Variants in KIRREL3 observed in about 807,000 individuals in gnomAD.
KIRREL3 encodes the protein kin of IRRE-like protein 3.
Under a neutral mutation model 89.7 loss-of-function variants are expected in KIRREL3, and 36 were observed. The ratio of observed to expected loss-of-function variants is 0.40; its 90% CI spans 0.31 to 0.53. The LOEUF (loss-of-function observed/expected upper bound fraction) is 0.53, where lower values mean the gene tolerates loss of function less well. Among genes scored for constraint, KIRREL3 ranks in the 20% least tolerant of loss-of-function variants. The pLI, the probability that KIRREL3 is intolerant of heterozygous loss-of-function variation, is 0.49. For synonymous variants in KIRREL3, 445 were observed against 441.4 expected, an observed-to-expected ratio of 1.01 and a Z score of -0.10; for missense variants, 864 against 1,056.6, an observed-to-expected ratio of 0.82 and a Z score of 2.53.
At position 126,579,707 on chromosome 11, in the gene KIRREL3, A is replaced by G. The variant is rs569899811; in HGVS notation, c.56-16795T>C. On this transcript the variant is annotated intron_variant, in intron 1 of 16. Transcript: ENST00000525144. This position sits in a 1 kb window ranked among gnomAD's most constrained non-coding sequence, Gnocchi z 5.3. ...GCACCTGGATCTGGACAATGCTTCC[A>G]GGTTACCACTGCTGGTAAGCAATGT... 1.3e-4 allele frequency among the ~76,000 whole-genome samples: 20 copies of G among 152,278 alleles called. No homozygotes were observed. Among genetic ancestry groups the G allele is most frequent in the African/African-American group, 3.9e-4 (16 of 41,548 alleles).
rs748372875 is a variant in KIRREL3 at position 126,894,210 on chromosome 11, C to T, written c.55+106245G>A. On this transcript the variant is annotated intron_variant, in intron 1 of 16. Coordinates refer to ENST00000525144, the MANE Select transcript of KIRREL3 (RefSeq NM_032531.4). ...GAAGTGATGAATTGAGGGGAATACA[C>T]GCAAAGTAGAGAAAGCTAGGGTTGT... 7.2e-5 allele frequency among the ~76,000 whole-genome samples: 11 copies of T among 152,098 alleles called. 1 individual carries two copies. Among genetic ancestry groups the T allele is most frequent in the South Asian group, 4.1e-4 (2 of 4,826 alleles).
intron 1 of KIRREL3, among the ~76,000 whole-genome samples, chr11:126,659,757 GGAACATGCCCCAGACAACT>G (rs1407280093): frequency 6.6e-6 from 1 of 152,228 alleles, no homozygotes; most frequent in East Asian, 1.9e-4. Flanking sequence ...GCAAATGCAA[GGAACATGCCCCAGACAACT>G]GAACTGGAAT....
chr11:126,910,960 C>T (rs762722097), intron 1 of KIRREL3, among the ~76,000 whole-genome samples: 13 of 152,078 alleles, frequency 8.5e-5, no homozygotes, highest in Non-Finnish European at 1.3e-4. Flanking sequence ...TTCTCATTGC[C>T]GGGGGAAGGA....
chr11:126,831,435 T>TTCTCTCTCTCTCTCTCTC (rs5795530), intron 1 of KIRREL3, among the ~76,000 whole-genome samples: 29 of 150,026 alleles, frequency 1.9e-4, no homozygotes, highest in African/African-American at 2.5e-4. Flanking sequence ...CTCTCTCTCT[T>TTCTCTCTCTCTCTCTCTC]TCTCTCTCTC....
intron 1 of KIRREL3, among the ~76,000 whole-genome samples, chr11:126,829,994 C>T (rs1321429922): frequency 6.6e-6 from 1 of 152,144 alleles, no homozygotes; most frequent in African/African-American, 2.4e-5. Flanking sequence ...AGCAATCTGC[C>T]TCTTTTGTTT....
At chr11:126,921,091 G>C (rs1340282154) in intron 1 of KIRREL3, among the ~76,000 whole-genome samples, 1 of 152,172 alleles carries the variant, frequency 6.6e-6, no homozygotes, top group African/African-American at 2.4e-5. Flanking sequence ...GGCAGGGGAA[G>C]GGCACATTCT....
rs1414250983 is a variant in KIRREL3 at position 127,000,134 on chromosome 11, C to T, written c.55+321G>A. 6.6e-6 allele frequency among the ~76,000 whole-genome samples: 1 copy of T among 152,146 alleles called. No homozygotes were observed. Among genetic ancestry groups the T allele is most frequent in the Non-Finnish European group, 1.5e-5 (1 of 68,036 alleles). On this transcript the variant is annotated intron_variant, in intron 1 of 16. Transcript: ENST00000525144. The surrounding 1 kb of genome is among the most constrained non-coding windows in gnomAD (Gnocchi z 7.1). ...GCCCAGAAGTTCAGAGCGGCATAAC[C>T]ACAGAGATACTACCTAATTAACATA...
In KIRREL3 at chr11:126,890,543, CCA is replaced by C. The variant is rs1173066355; in HGVS notation, c.55+109910_55+109911del. 6.6e-6 allele frequency among the ~76,000 whole-genome samples: 1 copy of C among 152,220 alleles called. No individual in the cohort carries two copies. The highest frequency in any genetic ancestry group is 1.9e-4 in the East Asian group (1 of 5,198). ...GCCATTTAATGGTGACCAAATCCCT[CCA>C]GTTTTCTGCTCCCTGGCTGTGGACA... On this transcript the variant is annotated intron_variant, in intron 1 of 16. Coordinates refer to ENST00000525144, the MANE Select transcript of KIRREL3 (RefSeq NM_032531.4). This position sits in a 1 kb window ranked among gnomAD's most constrained non-coding sequence, Gnocchi z 5.1.
At chr11:126,433,421 A>G (rs751974) in intron 13 of KIRREL3, among the ~76,000 whole-genome samples, 39,690 of 152,030 alleles carry the variant, frequency 0.26, 5,962 homozygotes, top group East Asian at 0.71. Context: ...CCCTCCGGCC[A>G]GAGGGAGCTG....
chr11:126,467,231 C>G (rs1405383492), intron 5 of KIRREL3, among the ~76,000 whole-genome samples: 1 of 152,226 alleles, frequency 6.6e-6, no homozygotes, highest in Non-Finnish European at 1.5e-5. Flanking sequence ...GGTGCCGCCT[C>G]AGGGCTGTGC....
At chr11:126,556,412 G>A (rs992955421) in intron 2 of KIRREL3, among the ~76,000 whole-genome samples, 6 of 152,154 alleles carry the variant, frequency 3.9e-5, no homozygotes, top group African/African-American at 1.4e-4. Flanking sequence ...AGGCCCAGGT[G>A]GGAGGATTGC....
At chr11:126,457,370 CGTGTATGTGTGTATGCGTGT>C (rs1956400419) in intron 6 of KIRREL3, among the ~76,000 whole-genome samples, 3 of 149,690 alleles carry the variant, frequency 2.0e-5, no homozygotes, top group African/African-American at 4.9e-5. Context: ...TGTGTGTATG[CGTGTATGTGTGTATGCGTGT>C]GTGTGTATGT....
At position 126,622,579 on chromosome 11, in the gene KIRREL3, C is replaced by G. The variant is rs1279310042; in HGVS notation, c.56-59667G>C. Among the ~76,000 whole-genome samples, 1 of 152,190 alleles carries G rather than the reference C, an allele frequency of 6.6e-6. No homozygotes were observed. Among genetic ancestry groups the G allele is most frequent in the African/African-American group, 2.4e-5 (1 of 41,456 alleles). On this transcript the variant is annotated intron_variant, in intron 1 of 16. Transcript: ENST00000525144. This position sits in a 1 kb window ranked among gnomAD's most constrained non-coding sequence, Gnocchi z 5.2. Reference sequence around the variant, plus strand: ...TGGCATGTGCCTGTAATCCCAGCTACTCAGGAGGCTGAGGCAGAAGAATCA... The same window carrying G: ...TGGCATGTGCCTGTAATCCCAGCTAGTCAGGAGGCTGAGGCAGAAGAATCA...
intron 7 of KIRREL3, among the ~76,000 whole-genome samples, chr11:126,453,027 C>G (rs1228332045): frequency 1.3e-5 from 2 of 152,106 alleles, no homozygotes; most frequent in Admixed American, 1.3e-4. Flanking sequence ...TCTTCCCTGT[C>G]CTTCCTCTTT....
intron 2 of KIRREL3, among the ~76,000 whole-genome samples, chr11:126,548,981 A>G (rs1939037834): frequency 6.6e-6 from 1 of 152,200 alleles, no homozygotes; most frequent in Non-Finnish European, 1.5e-5. Flanking sequence ...GCTGAGGTCC[A>G]GGGTCCTTTC....
rs1303460377 is a variant in KIRREL3, at chr11:126,953,836, T to C, written c.55+46619A>G. On this transcript the variant is annotated intron_variant, in intron 1 of 16. Transcript: ENST00000525144. This position sits in a 1 kb window ranked among gnomAD's most constrained non-coding sequence, Gnocchi z 5.2. The stretch of plus-strand genomic sequence containing the variant: ...TTTTATATAAATTCTGCAGTGACTT[T>C]TCCCTGGTGTTATTAGTTGTTTGGG... Among the ~76,000 whole-genome samples the C allele has an allele frequency of 6.6e-6, 1 of 152,216 alleles. No homozygotes were observed. Among genetic ancestry groups the C allele is most frequent in the African/African-American group, 2.4e-5 (1 of 41,464 alleles).
In KIRREL3 at chr11:126,795,022, A is replaced by G. The variant is rs1291161528; in HGVS notation, c.55+205433T>C. Among the ~76,000 whole-genome samples the G allele has an allele frequency of 6.6e-6, 1 of 152,234 alleles. No homozygotes were observed. The highest frequency in any genetic ancestry group is 1.5e-5 in the Non-Finnish European group (1 of 68,042). ...CTAAATACTGTGTGATGTCAACTATATAATATTCTGGAAAGGCAGACAAAA... is the reference window on the plus strand; with the variant it reads ...CTAAATACTGTGTGATGTCAACTATGTAATATTCTGGAAAGGCAGACAAAA... On this transcript the variant is annotated intron_variant, in intron 1 of 16. Transcript: ENST00000525144. The surrounding 1 kb of genome is among the most constrained non-coding windows in gnomAD (Gnocchi z 4.1).
At position 126,917,456 on chromosome 11, in the gene KIRREL3, C is replaced by A. The variant is rs1246002879; in HGVS notation, c.55+82999G>T. Among the ~76,000 whole-genome samples the A allele has an allele frequency of 6.6e-6, 1 of 152,046 alleles. No individual in the cohort carries two copies. Among genetic ancestry groups the A allele is most frequent in the Non-Finnish European group, 1.5e-5 (1 of 68,006 alleles). On this transcript the variant is annotated intron_variant, in intron 1 of 16. Coordinates refer to ENST00000525144, the MANE Select transcript of KIRREL3 (RefSeq NM_032531.4). This position sits in a 1 kb window ranked among gnomAD's most constrained non-coding sequence, Gnocchi z 5.0. Reference sequence around the variant, plus strand: ...TAAAAGTGGTTAAAATGTCAAATTTCATGTTGTATATATTTTACCACAATA... The same window carrying A: ...TAAAAGTGGTTAAAATGTCAAATTTAATGTTGTATATATTTTACCACAATA...
intron 1 of KIRREL3, among the ~76,000 whole-genome samples, chr11:126,966,432 C>T (rs1949274185): frequency 1.3e-5 from 2 of 152,078 alleles, no homozygotes; most frequent in Admixed American, 1.3e-4. Flanking sequence ...ATTGAGTGTG[C>T]ACCACTCAAG....
Sources: allele counts gnomAD v4.1 joint callset (sites outside exome capture counted in the v4.1 genomes callset), GRCh38; gene constraint gnomAD v4.1.1; non-coding constraint Gnocchi (gnomAD v3.1); transcripts MANE v1.5; gene names NCBI Gene and HGNC (gene_info 2026-07-23, HGNC 2026-07-21).